The following ATF7IP2 variants were observed in gnomAD, a reference collection of about 807,000 sequenced individuals.
ATF7IP2 encodes the protein activating transcription factor 7-interacting protein 2.
A neutral mutation model predicts 64.2 loss-of-function variants in ATF7IP2; 42 were observed. That is an observed-to-expected ratio of 0.65 (90% CI 0.51 to 0.85). ATF7IP2 has a LOEUF of 0.85. Ranked by LOEUF, ATF7IP2 falls within the 40% of genes least tolerant of loss-of-function variation. The pLI, the probability that ATF7IP2 is intolerant of heterozygous loss-of-function variation, is 0.00. For missense variants in ATF7IP2, 933 were observed against 784.2 expected, an observed-to-expected ratio of 1.19 and a Z score of -2.27; for synonymous variants, 308 against 272.8, an observed-to-expected ratio of 1.13 and a Z score of -1.27.
chr16:10,423,498 G>A (rs113532092), intron 3 of ATF7IP2, among the ~76,000 whole-genome samples: 2,721 of 152,200 alleles, frequency 0.018, 75 homozygotes, highest in African/African-American at 0.061. Flanking sequence ...TCACCCTCTC[G>A]TCTAGCTTGC....
chr16:10,397,495 A>G (rs1265017152), intron 1 of ATF7IP2, among the ~76,000 whole-genome samples: 2 of 152,222 alleles, frequency 1.3e-5, no homozygotes, highest in Non-Finnish European at 2.9e-5. Flanking sequence ...AAATAAGCCA[A>G]TTAAAAAATG....
At chr16:10,423,935 A>T (rs1041443283) in intron 3 of ATF7IP2, among the ~76,000 whole-genome samples, 2 of 152,212 alleles carry the variant, frequency 1.3e-5, no homozygotes, top group African/African-American at 2.4e-5. Flanking sequence ...CACGCATAGA[A>T]ATATAGAGTG....
chr16:10,431,082 C>A lies in ATF7IP2; in HGVS notation c.462C>A (p.Ser154=). The A allele has an allele frequency of 1.2e-6, 2 of 1,614,098 alleles. No homozygotes were observed. Among genetic ancestry groups the A allele is most frequent in the Non-Finnish European group, 1.7e-6 (2 of 1,180,018 alleles). ...AGCATCAGACAAATGTAACAAGATCCCTTTTTGAGCATGAGGGGGCTTGTA... is the reference window on the plus strand; with the variant it reads ...AGCATCAGACAAATGTAACAAGATCACTTTTTGAGCATGAGGGGGCTTGTA... ...DSEHQTNVTR[S]LFEHEGACSL... is the part of the protein sequence containing the mutation. The change falls in exon 5 of 14, where the codon TCC becomes TCA. Residue 154 remains serine, a synonymous_variant. Transcript: ENST00000562102.
intron 6 of ATF7IP2, 152 bp downstream of exon 6, chr16:10,433,801 A>G (rs1277242719): frequency 2.6e-6 from 2 of 782,142 alleles, no homozygotes; most frequent in African/African-American, 1.8e-5. Context: ...CAGACTGGGG[A>G]GAGATAACTA....
intron 9 of ATF7IP2, among the ~76,000 whole-genome samples, chr16:10,460,118 C>T (rs1423986958): frequency 6.6e-6 from 1 of 151,976 alleles, no homozygotes; most frequent in Admixed American, 6.6e-5. Context: ...TTTCGTATTC[C>T]TGTTTAGAAT....
intron 7 of ATF7IP2, among the ~76,000 whole-genome samples, chr16:10,439,567 C>G (rs1242131815): frequency 1.6e-5 from 2 of 123,068 alleles, no homozygotes; most frequent in Admixed American, 9.5e-5. Flanking sequence ...CAGTCTCACT[C>G]TGTCGCCTAG....
At chr16:10,425,031 T>G (rs982305669) in intron 3 of ATF7IP2, among the ~76,000 whole-genome samples, 3 of 151,836 alleles carry the variant, frequency 2.0e-5, no homozygotes, top group African/African-American at 7.3e-5. Flanking sequence ...ACATAAAAAC[T>G]TGTACATGAA....
At chr16:10,422,676 T>C (rs1457557297) in intron 3 of ATF7IP2, among the ~76,000 whole-genome samples, 1 of 109,278 alleles carries the variant, frequency 9.2e-6, no homozygotes, top group South Asian at 3.6e-4. Flanking sequence ...TACCAAACTT[T>C]TAAATTTCTT....
intron 8 of ATF7IP2, chr16:10,449,201 G>C (rs1239002011): frequency 6.6e-6 from 1 of 152,184 alleles, no homozygotes; most frequent in Non-Finnish European, 1.5e-5. Flanking sequence ...TGTGCTGCTG[G>C]TTTCAGTTTG....
chr16:10,437,988 A>G (rs2048478498), intron 6 of ATF7IP2, 113 bp from the exon 7 acceptor site: 7 of 733,630 alleles, frequency 9.5e-6, no homozygotes, highest in South Asian at 8.5e-5. Flanking sequence ...TAAATAAACT[A>G]TATTTAATTG....
rs150388617 is a variant in ATF7IP2 at position 10,401,093 on chromosome 16, C to T, written c.-241-13481C>T. The stretch of plus-strand genomic sequence containing the variant: ...TTTTGTTCTTAGCTGTGATAAATCA[C>T]ATTTATTGATTTGCGTGTGTAGAAC... On this transcript the variant is annotated intron_variant, in intron 1 of 13. Coordinates refer to ENST00000562102, the MANE Select transcript of ATF7IP2 (RefSeq NM_001393719.1). Among the ~76,000 whole-genome samples the T allele has an allele frequency of 7.9e-5, 12 of 152,284 alleles. No individual in the cohort carries two copies. The East Asian group carries it at 1.9e-3, about 24-fold the overall frequency.
intron 8 of ATF7IP2, chr16:10,447,472 G>A (rs1328792187): frequency 2.6e-5 from 4 of 152,230 alleles, no homozygotes; most frequent in Admixed American, 6.5e-5. Flanking sequence ...CAAAGAAAAC[G>A]AACACTCAAA....
At chr16:10,422,532 C>A (rs988036522) in intron 3 of ATF7IP2, among the ~76,000 whole-genome samples, 9 of 152,194 alleles carry the variant, frequency 5.9e-5, no homozygotes, top group African/African-American at 2.4e-5. Flanking sequence ...AGGCCCTTCA[C>A]AATGCAAGAT....
chr16:10,396,364 A>G (rs1427292272), intron 1 of ATF7IP2, among the ~76,000 whole-genome samples: 2 of 152,104 alleles, frequency 1.3e-5, no homozygotes, highest in South Asian at 2.1e-4. Flanking sequence ...CTTCCTGTAC[A>G]GAAGTTTTTA....
chr16:10,388,573 GAC>G (rs2047253977), intron 1 of ATF7IP2, among the ~76,000 whole-genome samples: 2 of 152,216 alleles, frequency 1.3e-5, no homozygotes, highest in Non-Finnish European at 2.9e-5. Flanking sequence ...TTACTAAGGA[GAC>G]AGTGACTTTG....
Position 10,391,302 on chromosome 16 carries a change from T to C in ATF7IP2, c.-242+5180T>C, listed in dbSNP as rs188193713. Among the ~76,000 whole-genome samples, 10 of 151,968 alleles carry C rather than the reference T, an allele frequency of 6.6e-5. No individual in the cohort carries two copies. The East Asian group carries it at 1.6e-3, about 24-fold the overall frequency. On this transcript the variant is annotated intron_variant, in intron 1 of 13. Transcript: ENST00000562102. ...TTTTAAAAAGACCAGGCGCTGTGGC[T>C]CCCAGCTACTCAGGAGGCTGAGATG...
chr16:10,387,597 C>T (rs1040250344), intron 1 of ATF7IP2: 2 of 152,176 alleles, frequency 1.3e-5, no homozygotes, highest in African/African-American at 4.8e-5. Flanking sequence ...AAATCTGGTA[C>T]GAAACTATTG....
chr16:10,394,036 A>G (rs1243421003), intron 1 of ATF7IP2, among the ~76,000 whole-genome samples: 6 of 152,206 alleles, frequency 3.9e-5, no homozygotes, highest in Admixed American at 6.5e-5. Context: ...CTCTAAACAA[A>G]CAAAAACAAC....
intron 5 of ATF7IP2, among the ~76,000 whole-genome samples, chr16:10,432,143 ATTTC>A (rs1405733404): frequency 6.6e-6 from 1 of 151,688 alleles, no homozygotes; most frequent in Non-Finnish European, 1.5e-5. Context: ...AGCCAACCCT[ATTTC>A]TTTCTATAGA....
Sources: allele counts gnomAD v4.1 joint callset (sites outside exome capture counted in the v4.1 genomes callset), GRCh38; gene constraint gnomAD v4.1.1; transcripts MANE v1.5; gene names NCBI Gene and HGNC (gene_info 2026-07-23, HGNC 2026-07-21).